Variants in MAN1A1 observed in about 807,000 individuals in gnomAD.
The protein encoded by MAN1A1 is mannosyl-oligosaccharide 1,2-alpha-mannosidase IA.
MAN1A1 carries 29 observed loss-of-function variants against 70.8 expected under a neutral mutation model. The ratio of observed to expected loss-of-function variants is 0.41; its 90% CI spans 0.31 to 0.56. The LOEUF (loss-of-function observed/expected upper bound fraction) is 0.56, where lower values mean the gene tolerates loss of function less well. Ranked by LOEUF, MAN1A1 falls within the 20% of genes least tolerant of loss-of-function variation. The pLI is 0.29. For missense variants in MAN1A1, 747 were observed against 841.3 expected, an observed-to-expected ratio of 0.89 and a Z score of 1.39; for synonymous variants, 349 against 330.1, an observed-to-expected ratio of 1.06 and a Z score of -0.62.
intron 5 of MAN1A1, among the ~76,000 whole-genome samples, chr6:119,261,608 T>G (rs1582745422): frequency 6.6e-6 from 1 of 152,150 alleles, no homozygotes; most frequent in Non-Finnish European, 1.5e-5. Flanking sequence ...ACAAATACTA[T>G]GAATACTCCA....
intron 8 of MAN1A1, among the ~76,000 whole-genome samples, chr6:119,197,015 A>G (rs553677680): frequency 6.6e-6 from 1 of 152,310 alleles, no homozygotes; most frequent in Admixed American, 6.5e-5. Flanking sequence ...ACAACCATTA[A>G]AAGCAGAGGC....
chr6:119,192,127 GA>G (rs761845179), intron 9 of MAN1A1, among the ~76,000 whole-genome samples: 5 of 152,114 alleles, frequency 3.3e-5, no homozygotes, highest in African/African-American at 7.2e-5. Context: ...GAATTAGGAA[GA>G]AAATATTTCA....
At position 119,348,820 on chromosome 6, in the gene MAN1A1, C is replaced by T; in HGVS notation, c.246G>A (p.Pro82=). 6.8e-7 allele frequency: 1 copy of T among 1,462,188 alleles called. No individual in the cohort carries two copies. The highest frequency in any genetic ancestry group is 9.1e-7 in the Non-Finnish European group (1 of 1,103,138). The allele number at this position is 1,462,188 out of a possible 1,614,324, so 90.6% of individuals were successfully genotyped here. The change falls in exon 2 of 13, where the codon CCG becomes CCA. Residue 82 remains proline (P), a synonymous_variant. Transcript: ENST00000368468. The stretch of plus-strand genomic sequence containing the variant: ...CGGGCCCGGGCTTGTGGTCGGCGGC[C>T]GGCTGCAAGGCGGGGCTGGAGTGGA... ...VLFHSSPALQ[P]AADHKPGPGA...
rs528590015 is a variant in MAN1A1 at position 119,347,640 on chromosome 6, C to T, written c.603+823G>A. On this transcript the variant is annotated intron_variant, in intron 2 of 12. Transcript: ENST00000368468. ...CACTAACGGGTTCTAGAGCTCTGGG[C>T]CCTTCGATCTTCATCTTGAAAATGA... Among the ~76,000 whole-genome samples the T allele has an allele frequency of 4.2e-3, 644 of 152,296 alleles. 3 individuals carry two copies. Among genetic ancestry groups the T allele is most frequent in the Non-Finnish European group, 7.9e-3 (538 of 68,028 alleles).
intron 2 of MAN1A1, among the ~76,000 whole-genome samples, chr6:119,329,329 G>A (rs537164379): frequency 6.6e-6 from 1 of 152,166 alleles, no homozygotes; most frequent in South Asian, 2.1e-4. Context: ...GAAGACAAAA[G>A]ACTAAGTAGC....
At position 119,189,862 on chromosome 6, in the gene MAN1A1, G is replaced by C; in HGVS notation, c.1348C>G (p.Arg450Gly). Residue 450 changes from arginine to glycine, a missense_variant, in exon 10 of 13, where the codon CGC (arginine) becomes GGC (glycine). Around this residue, in one of 2 missense-constraint regions of MAN1A1, gnomAD observed 419 missense variants for 548.2 expected, o/e 0.76. Transcript: ENST00000368468. Reference sequence around the variant, plus strand: ...TAAGTTAGTCCGCTGCTAGACTTGCGGATCAAATGAGTCTCGATAGCCTGT... The same window carrying C: ...TAAGTTAGTCCGCTGCTAGACTTGCCGATCAAATGAGTCTCGATAGCCTGT... ...AVQAIETHLI[R>G]KSSSGLTYIA... 1 of 1,613,718 alleles carries C rather than the reference G, an allele frequency of 6.2e-7. No individual in the cohort carries two copies. The highest frequency in any genetic ancestry group is 1.7e-4 in the Middle Eastern group (1 of 6,060).
At chr6:119,276,522 C>CTAAATT (rs1776071167) in intron 5 of MAN1A1, among the ~76,000 whole-genome samples, 1 of 152,168 alleles carries the variant, frequency 6.6e-6, no homozygotes. Context: ...ACTAGTCATT[C>CTAAATT]AGGGCTCAAT....
chr6:119,270,425 G>T (rs953068086), intron 5 of MAN1A1, among the ~76,000 whole-genome samples: 2 of 151,884 alleles, frequency 1.3e-5, no homozygotes, highest in African/African-American at 4.8e-5. Context: ...CACTTTAGTG[G>T]CTTTAGTATA....
At chr6:119,288,584 T>A (rs1401856083) in intron 5 of MAN1A1, among the ~76,000 whole-genome samples, 1 of 151,876 alleles carries the variant, frequency 6.6e-6, no homozygotes, top group Non-Finnish European at 1.5e-5. Context: ...AAATCAATTG[T>A]CAGGGTCTAA....
At position 119,348,829 on chromosome 6, in the gene MAN1A1, G is replaced by C. The variant is rs1773817339; in HGVS notation, c.237C>G (p.Ala79=). Residue 79 remains alanine, a synonymous_variant, in exon 2 of 13, where the codon GCC becomes GCG. Coordinates refer to ENST00000368468, the MANE Select transcript of MAN1A1 (RefSeq NM_005907.4). Reference sequence around the variant, plus strand: ...GCTTGTGGTCGGCGGCCGGCTGCAAGGCGGGGCTGGAGTGGAACAGGACCC... The same window carrying C: ...GCTTGTGGTCGGCGGCCGGCTGCAACGCGGGGCTGGAGTGGAACAGGACCC... The part of the protein sequence containing the change: ...LSGVLFHSSP[A]LQPAADHKPG... 2 of 1,477,024 alleles carry C rather than the reference G, an allele frequency of 1.4e-6. No homozygotes were observed. The highest frequency in any genetic ancestry group is 2.8e-5 in the East Asian group (1 of 35,336). 91.5% of individuals were successfully genotyped at this position (1,477,024 alleles called of 1,614,324 possible). A position where few individuals can be genotyped will look rare whatever the true frequency, so the allele number is the denominator to read the frequency against.
chr6:119,303,243 C>T (rs1043480798), intron 3 of MAN1A1, among the ~76,000 whole-genome samples: 46 of 152,058 alleles, frequency 3.0e-4, no homozygotes, highest in African/African-American at 1.1e-3. Context: ...TGGTCTCAAA[C>T]TCCTGGCCTC....
At chr6:119,271,105 C>G (rs1775911516) in intron 5 of MAN1A1, among the ~76,000 whole-genome samples, 1 of 152,064 alleles carries the variant, frequency 6.6e-6, no homozygotes, top group Admixed American at 6.5e-5. Context: ...CATTGTATGG[C>G]AAGAAACACA....
At chr6:119,207,008 T>C (rs1295636708) in intron 6 of MAN1A1, among the ~76,000 whole-genome samples, 2 of 152,348 alleles carry the variant, frequency 1.3e-5, no homozygotes, top group East Asian at 1.9e-4. Flanking sequence ...CACACTCAGA[T>C]GAGAAAGTTA....
rs754465832 is a variant in MAN1A1 at position 119,348,574 on chromosome 6, G to C, written c.492C>G (p.Asp164Glu). ...GGGGCAGGCCTCTGAACGGCGCCTT[G>C]TCACGCAGCTGGTCCTGGGCCACCT... ...KKKVAQDQLR[D>E]KAPFRGLPPV... Residue 164 changes from aspartate to glutamate, a missense_variant, in exon 2 of 13, where the codon GAC becomes GAG. Physicochemically the swap from Asp to Glu is conservative, Grantham distance 45 (BLOSUM62 2). Coordinates refer to ENST00000368468, the MANE Select transcript of MAN1A1 (RefSeq NM_005907.4). The C allele has an allele frequency of 1.2e-5, 20 of 1,613,828 alleles. No homozygotes were observed. Among genetic ancestry groups the C allele is most frequent in the Non-Finnish European group, 5.1e-6 (6 of 1,179,920 alleles).
At chr6:119,248,063 C>T (rs1484359696) in intron 6 of MAN1A1, among the ~76,000 whole-genome samples, 197 bp downstream of exon 6, 2 of 152,130 alleles carry the variant, frequency 1.3e-5, no homozygotes, top group South Asian at 4.1e-4. Context: ...CACGCCATCC[C>T]ACAATGGGGA....
At chr6:119,289,065 T>TTA (rs61562893) in intron 5 of MAN1A1, among the ~76,000 whole-genome samples, 32 of 150,720 alleles carry the variant, frequency 2.1e-4, no homozygotes, top group Admixed American at 3.3e-4. Context: ...GGTATTATAA[T>TTA]TATATATATA....
At chr6:119,304,513 G>A (rs1429366289) in intron 3 of MAN1A1, among the ~76,000 whole-genome samples, 1 of 152,106 alleles carries the variant, frequency 6.6e-6, no homozygotes, top group Admixed American at 6.6e-5. Flanking sequence ...GAAATCTTTT[G>A]TACCACTGAA....
intron 6 of MAN1A1, among the ~76,000 whole-genome samples, chr6:119,231,809 G>T (rs1774685171): frequency 6.6e-6 from 1 of 152,180 alleles, no homozygotes. Flanking sequence ...TGGCATAAAG[G>T]AAGGAGAATC....
At chr6:119,239,274 A>C (rs1480246968) in intron 6 of MAN1A1, among the ~76,000 whole-genome samples, 4 of 152,234 alleles carry the variant, frequency 2.6e-5, no homozygotes, top group Non-Finnish European at 4.4e-5. Flanking sequence ...AAATCACCAA[A>C]TTGCACTGCC....
Sources: allele counts gnomAD v4.1 joint callset (sites outside exome capture counted in the v4.1 genomes callset), GRCh38; gene constraint gnomAD v4.1.1; regional missense constraint gnomAD v4.1.1; transcripts MANE v1.5; gene names NCBI Gene and HGNC (gene_info 2026-07-23, HGNC 2026-07-21).